Variants in PYROXD2 observed in about 807,000 individuals in gnomAD.
PYROXD2 encodes the protein pyridine nucleotide-disulfide oxidoreductase domain-containing protein 2.
In PYROXD2, 69 loss-of-function variants were observed where a neutral mutation model predicts 71.1. That is an observed-to-expected ratio of 0.97 (90% CI 0.80 to 1.19). The LOEUF is 1.19. Ranked by LOEUF, PYROXD2 falls within the 50% of genes most tolerant of loss-of-function variation. The pLI, the probability that PYROXD2 is intolerant of heterozygous loss-of-function variation, is 0.00. For synonymous variants in PYROXD2, 287 were observed against 302.7 expected (o/e 0.95, Z 0.54); for missense variants, 745 against 748.9 (o/e 0.99, Z 0.06).
At chr10:98,392,702 C>A (rs1842988437) in intron 9 of PYROXD2, 136 bp from the exon 10 acceptor site, 1 of 1,417,430 alleles carries the variant, frequency 7.1e-7, no homozygotes, top group Non-Finnish European at 9.4e-7. Context: ...CCAAGTTCTG[C>A]AGCTTCTCCA....
chr10:98,390,985 T>C, intron 11 of PYROXD2, 25 bp downstream of exon 11: 1 of 1,577,348 alleles, frequency 6.3e-7, no homozygotes, highest in Non-Finnish European at 8.7e-7. Context: ...AAGGAGACAG[T>C]GCTGCAATGT....
chr10:98,411,685 C>G (rs1843794449), intron 1 of PYROXD2: 1 of 152,152 alleles, frequency 6.6e-6, no homozygotes, highest in Non-Finnish European at 1.5e-5. Flanking sequence ...AAGTGCCTCT[C>G]CAGCTCTGAT....
rs777564252 is a variant in PYROXD2 at position 98,385,006 on chromosome 10, T to G, written c.1616A>C (p.His539Pro). 6.2e-7 allele frequency: 1 copy of G among 1,613,900 alleles called. No homozygotes were observed. The highest frequency in any genetic ancestry group is 8.5e-7 in the Non-Finnish European group (1 of 1,179,964). ...QLYFARPVPL[H>P]SGYRCPLQGL... ...CTGGAGAGGGCAGCGGTAGCCAGAA[T>G]GCAGGGGCACGGGGCGGGCGAAGTA... Residue 539 changes from histidine to proline, a missense_variant, in exon 15 of 16, where the codon CAT (histidine) becomes CCT (proline). Coordinates refer to ENST00000370575, the MANE Select transcript of PYROXD2 (RefSeq NM_032709.3).
At position 98,415,137 on chromosome 10, in the gene PYROXD2, T is replaced by A; in HGVS notation, c.-2A>T. 1 of 1,612,596 alleles carries A rather than the reference T, an allele frequency of 6.2e-7. No individual in the cohort carries two copies. The highest frequency in any genetic ancestry group is 8.5e-7 in the Non-Finnish European group (1 of 1,179,498). ...GAGACCTCGGCCACTTGCAGCCATT[T>A]CTGCCCCAGGCTGGGCCTTGCTAGG... On this transcript the variant is annotated 5_prime_UTR_variant, in exon 1 of 16. Transcript: ENST00000370575.
At chr10:98,390,274 G>A (rs527795754) in intron 12 of PYROXD2, among the ~76,000 whole-genome samples, 39 of 152,234 alleles carry the variant, frequency 2.6e-4, no homozygotes, top group Middle Eastern at 3.4e-3. Context: ...GCTCTCTGAC[G>A]GGCTCTGAAT....
chr10:98,398,454 T>C (rs1367122204), intron 5 of PYROXD2, among the ~76,000 whole-genome samples: 4 of 152,180 alleles, frequency 2.6e-5, no homozygotes, highest in Non-Finnish European at 4.4e-5. Context: ...ACTTTGAATT[T>C]TGGTCCATCT....
intron 8 of PYROXD2, among the ~76,000 whole-genome samples, chr10:98,394,788 G>A (rs11189587): frequency 0.36 from 53,999 of 151,536 alleles, 9,859 homozygotes; most frequent in South Asian, 0.44. Flanking sequence ...GAGAATGGGC[G>A]TTTGCGGGAG....
intron 8 of PYROXD2, among the ~76,000 whole-genome samples, chr10:98,394,780 G>A (rs1258427188): frequency 1.3e-5 from 2 of 152,124 alleles, no homozygotes; most frequent in African/African-American, 4.8e-5. Flanking sequence ...AGAGAAGGGA[G>A]AATGGGCGTT....
rs1241314926 is a variant in PYROXD2 at position 98,415,143 on chromosome 10, C to T, written c.-8G>A. 1.2e-6 allele frequency: 2 copies of T among 1,611,516 alleles called. No individual in the cohort carries two copies. Among genetic ancestry groups the T allele is most frequent in the Non-Finnish European group, 8.5e-7 (1 of 1,179,050 alleles). On this transcript the variant is annotated 5_prime_UTR_variant, in exon 1 of 16. Coordinates refer to ENST00000370575, the MANE Select transcript of PYROXD2 (RefSeq NM_032709.3). ...TCGGCCACTTGCAGCCATTTCTGCC[C>T]CAGGCTGGGCCTTGCTAGGCAGGGA... is the stretch of plus-strand genomic sequence containing the variant.
At position 98,407,571 on chromosome 10, in the gene PYROXD2, G is replaced by A; in HGVS notation, c.315+11C>T. Reference sequence around the variant, plus strand: ...TCCCTCCGTGCAATCGGGCCGGCGGGGGGGCCCTACCTTCAGCTCCAGATC... The same window carrying A: ...TCCCTCCGTGCAATCGGGCCGGCGGAGGGGCCCTACCTTCAGCTCCAGATC... On this transcript the variant is annotated intron_variant, in intron 4 of 15. Transcript: ENST00000370575. 1.2e-6 allele frequency: 2 copies of A among 1,613,406 alleles called. No homozygotes were observed. Among genetic ancestry groups the A allele is most frequent in the Non-Finnish European group, 8.5e-7 (1 of 1,179,964 alleles).
At chr10:98,395,846 T>C (rs971943201) in intron 6 of PYROXD2, among the ~76,000 whole-genome samples, 11 of 152,214 alleles carry the variant, frequency 7.2e-5, no homozygotes, top group Non-Finnish European at 1.5e-4. Flanking sequence ...AAGGCCCATA[T>C]CCTGGGAGAA....
rs1375192518 is a variant in PYROXD2, at chr10:98,395,293, C to T, written c.688G>A (p.Val230Met). 5.0e-6 allele frequency: 8 copies of T among 1,614,146 alleles called. No individual in the cohort carries two copies. The highest frequency in any genetic ancestry group is 1.6e-4 in the Middle Eastern group (1 of 6,062). The stretch of plus-strand genomic sequence containing the variant: ...TCAGACTCGAACCACTGATCCAGCA[C>T]CTGGACAGCACAACAGCAGAGAGAA... ...YEVLTAPITK[V>M]LDQWFESEPL... Residue 230 changes from valine to methionine, a missense_variant and splice_region_variant, in exon 8 of 16, where the codon GTG (valine) becomes ATG (methionine). Physicochemically the swap from Val to Met is conservative, Grantham distance 21. Coordinates refer to ENST00000370575, the MANE Select transcript of PYROXD2 (RefSeq NM_032709.3).
chr10:98,395,536 G>A, intron 6 of PYROXD2, 84 bp from the exon 7 acceptor site: 2 of 1,254,824 alleles, frequency 1.6e-6, no homozygotes, highest in Non-Finnish European at 2.3e-6. Context: ...AAAGCATGGA[G>A]GATGCTGAGA....
Position 98,388,473 on chromosome 10 carries a change from T to C in PYROXD2, c.1328A>G (p.Asp443Gly). The change falls in exon 13 of 16, where the codon GAC becomes GGC. Residue 443 changes from aspartate (D) to glycine (G), a missense_variant. Coordinates refer to ENST00000370575, the MANE Select transcript of PYROXD2 (RefSeq NM_032709.3). The stretch of plus-strand genomic sequence containing the variant: ...GCAGCCAGGGGGAGCCAGGGTGGGG[T>C]CCAGCGAGGAAGGGATGCAGAGCTC... ...VIELCIPSSLDPTLAPPGCHV... is the reference protein window; with the variant it reads ...VIELCIPSSLGPTLAPPGCHV... The C allele has an allele frequency of 6.2e-7, 1 of 1,609,862 alleles. No homozygotes were observed. The highest frequency in any genetic ancestry group is 8.5e-7 in the Non-Finnish European group (1 of 1,178,890).
chr10:98,399,195 T>G lies in PYROXD2; in HGVS notation c.471+907A>C, dbSNP rs575936655. Reference sequence around the variant, plus strand: ...AAAGGCTAAGCTCCTCAGGTGATTCTGATCATCAGCCAGGTTTGAAAACTG... The same window carrying G: ...AAAGGCTAAGCTCCTCAGGTGATTCGGATCATCAGCCAGGTTTGAAAACTG... On this transcript the variant is annotated intron_variant, in intron 5 of 15. Transcript: ENST00000370575. Among the ~76,000 whole-genome samples the G allele has an allele frequency of 5.3e-5, 8 of 152,322 alleles. No homozygotes were observed. The East Asian group carries it at 1.5e-3, about 29-fold the overall frequency.
In PYROXD2 at chr10:98,388,347, T is replaced by G. The variant is rs1842826151; in HGVS notation, c.1447+7A>C. The G allele has an allele frequency of 6.2e-7, 1 of 1,613,512 alleles. No homozygotes were observed. Among genetic ancestry groups the G allele is most frequent in the Non-Finnish European group, 8.5e-7 (1 of 1,179,902 alleles). On this transcript the variant is annotated splice_region_variant and intron_variant, in intron 13 of 15. Transcript: ENST00000370575. ...GCTCTGGAGGCAGAACGTGCAGCTG[T>G]CTTTACCTCTGTCTGCATAAGCGTC...
chr10:98,385,097 C>T (rs370069306), intron 14 of PYROXD2, 30 bp from the exon 15 acceptor site: 1 of 1,612,380 alleles, frequency 6.2e-7, no homozygotes, highest in African/African-American at 1.3e-5. Context: ...GTCATCAGCA[C>T]AGGAGAGTTA....
intron 12 of PYROXD2, among the ~76,000 whole-genome samples, chr10:98,390,180 G>A (rs1036168886): frequency 6.6e-6 from 1 of 152,174 alleles, no homozygotes; most frequent in African/African-American, 2.4e-5. Flanking sequence ...GCAGTGGGAG[G>A]TGGGAAATGC....
At chr10:98,387,624 GTTTTTTTT>G (rs550769911) in intron 13 of PYROXD2, among the ~76,000 whole-genome samples, 2 of 112,992 alleles carry the variant, frequency 1.8e-5, no homozygotes, top group African/African-American at 3.5e-5. Flanking sequence ...TTCTCAAGCT[GTTTTTTTT>G]TTTTTTTTTT....
Sources: gnomAD v4.1 joint callset for allele counts (sites outside exome capture counted in the v4.1 genomes callset) on GRCh38, gnomAD v4.1.1 for gene constraint, MANE v1.5 for transcripts, NCBI Gene and HGNC (gene_info 2026-07-23, HGNC 2026-07-21) for gene names.